The following IGF1R variants were observed in gnomAD, a reference collection of about 807,000 sequenced individuals.
IGF1R encodes insulin like growth factor 1 receptor.
Under a neutral mutation model 144.6 loss-of-function variants are expected in IGF1R, and 44 were observed. That is an observed-to-expected ratio of 0.30 (90% CI 0.24 to 0.39). The LOEUF is 0.39. Ranked by LOEUF, IGF1R falls within the 10% of genes least tolerant of loss-of-function variation. IGF1R has a pLI of 1.00. For missense variants in IGF1R, 1,355 were observed against 1,833.7 expected (o/e 0.74, Z 4.77); for synonymous variants, 795 against 722.8 (o/e 1.10, Z -1.60).
intron 1 of IGF1R, among the ~76,000 whole-genome samples, chr15:98,665,198 A>G (rs1031402179): frequency 9.9e-5 from 15 of 152,012 alleles, no homozygotes; most frequent in South Asian, 4.1e-4. Flanking sequence ...TGATCCGCCC[A>G]CCTCGGCCTC....
chr15:98,852,345 C>T (rs961606817), intron 2 of IGF1R, among the ~76,000 whole-genome samples: 2 of 152,054 alleles, frequency 1.3e-5, no homozygotes, highest in Non-Finnish European at 2.9e-5. Context: ...AGCGGGCACC[C>T]CGCGCCCGCG....
In IGF1R at chr15:98,891,115, C is replaced by A. The variant is rs1182996466; in HGVS notation, c.641-210C>A. Among the ~76,000 whole-genome samples, 3 of 152,186 alleles carry A rather than the reference C, an allele frequency of 2.0e-5. No homozygotes were observed. Among genetic ancestry groups the A allele is most frequent in the Non-Finnish European group, 4.4e-5 (3 of 68,038 alleles). ...CAAGGAGTTCCTAGGAGAGACTGAACTTTAAAGATATCGACTCTCTGCAGG... is the reference window on the plus strand; with the variant it reads ...CAAGGAGTTCCTAGGAGAGACTGAAATTTAAAGATATCGACTCTCTGCAGG... On this transcript the variant is annotated intron_variant, in intron 2 of 20. Coordinates refer to ENST00000650285, the MANE Select transcript of IGF1R (RefSeq NM_000875.5). The surrounding 1 kb of genome is among the most constrained non-coding windows in gnomAD (Gnocchi z 4.7).
chr15:98,954,704 T>G (rs2016911140), intron 20 of IGF1R, among the ~76,000 whole-genome samples: 2 of 152,340 alleles, frequency 1.3e-5, no homozygotes, highest in African/African-American at 4.8e-5. Context: ...CCAGTTACGC[T>G]TCTGCCCAGG....
intron 2 of IGF1R, among the ~76,000 whole-genome samples, chr15:98,729,682 G>T (rs1189415032): frequency 6.6e-6 from 1 of 151,892 alleles, no homozygotes; most frequent in Non-Finnish European, 1.5e-5. Flanking sequence ...GGGCCTCCCT[G>T]CCCTTCCCAG....
In IGF1R at chr15:98,776,581, C is replaced by G. The variant is rs74032599; in HGVS notation, c.640+68474C>G. ...CAGCATTATTTTTAAGAGCCTCTTC[C>G]CTCCTTCCCCCTACCTCCCTGTTGA... On this transcript the variant is annotated intron_variant, in intron 2 of 20. Coordinates refer to ENST00000650285, the MANE Select transcript of IGF1R (RefSeq NM_000875.5). Among the ~76,000 whole-genome samples the G allele has an allele frequency of 3.6e-3, 551 of 152,228 alleles. 3 individuals are homozygous for G. Among genetic ancestry groups the G allele is most frequent in the African/African-American group, 0.013 (520 of 41,518 alleles).
intron 2 of IGF1R, among the ~76,000 whole-genome samples, chr15:98,728,293 G>C (rs1028615452): frequency 5.3e-5 from 8 of 152,110 alleles, no homozygotes; most frequent in Admixed American, 2.0e-4. Context: ...TCTGTGAAAG[G>C]CTGGCCGGGC....
At chr15:98,837,647 C>T (rs1185835666) in intron 2 of IGF1R, among the ~76,000 whole-genome samples, 1 of 152,224 alleles carries the variant, frequency 6.6e-6, no homozygotes, top group African/African-American at 2.4e-5. Flanking sequence ...TTTCTCATCA[C>T]ATTGTCACTC....
chr15:98,655,701 C>G (rs1226804644), intron 1 of IGF1R, among the ~76,000 whole-genome samples: 4 of 150,426 alleles, frequency 2.7e-5, no homozygotes, highest in South Asian at 4.2e-4. Context: ...TTTCTTTTTC[C>G]TGCCCTGGAC....
chr15:98,917,862 A>G (rs532629260), intron 10 of IGF1R, among the ~76,000 whole-genome samples: 57 of 152,336 alleles, frequency 3.7e-4, no homozygotes, highest in African/African-American at 1.3e-3. Flanking sequence ...GAATTATTCC[A>G]TAATCGATAG....
intron 2 of IGF1R, among the ~76,000 whole-genome samples, chr15:98,770,240 G>A (rs552426725): frequency 1.3e-5 from 2 of 152,248 alleles, no homozygotes; most frequent in South Asian, 4.1e-4. Context: ...GTTAGAGGAA[G>A]GCAAAAACAG....
intron 1 of IGF1R, among the ~76,000 whole-genome samples, chr15:98,686,802 A>T (rs964704917): frequency 1.3e-5 from 2 of 151,884 alleles, no homozygotes; most frequent in Non-Finnish European, 2.9e-5. Context: ...TCCTCAATAG[A>T]TGGGACTATG....
intron 2 of IGF1R, among the ~76,000 whole-genome samples, chr15:98,798,858 A>G (rs2056303613): frequency 6.6e-6 from 1 of 152,146 alleles, no homozygotes; most frequent in African/African-American, 2.4e-5. Flanking sequence ...ACAGCAACGA[A>G]TATTTATTGA....
At chr15:98,711,325 C>A (rs8032477) in intron 2 of IGF1R, among the ~76,000 whole-genome samples, 1 of 151,954 alleles carries the variant, frequency 6.6e-6, no homozygotes, top group African/African-American at 2.4e-5. Context: ...TGGAGAAACA[C>A]GTCAAGGGTG....
intron 1 of IGF1R, among the ~76,000 whole-genome samples, chr15:98,699,852 C>T (rs45460098): frequency 6.6e-5 from 10 of 152,228 alleles, no homozygotes; most frequent in Admixed American, 2.0e-4. Flanking sequence ...AAATTACACT[C>T]GGTTTCTAAT....
intron 2 of IGF1R, among the ~76,000 whole-genome samples, chr15:98,843,433 G>T (rs768886864): frequency 2.0e-5 from 3 of 152,096 alleles, no homozygotes; most frequent in Non-Finnish European, 4.4e-5. Context: ...CCTTCTGGTC[G>T]TGTTTCTACT....
chr15:98,856,083 T>C (rs2011799679), intron 2 of IGF1R, among the ~76,000 whole-genome samples: 1 of 152,192 alleles, frequency 6.6e-6, no homozygotes, highest in South Asian at 2.1e-4. Flanking sequence ...CCTGCTTCTG[T>C]AGAAGGGGCC....
In IGF1R at chr15:98,649,501, C is replaced by T. The variant is rs1293299185; in HGVS notation, c.-81C>T. On this transcript the variant is annotated 5_prime_UTR_variant, in exon 1 of 21. Coordinates refer to ENST00000650285, the MANE Select transcript of IGF1R (RefSeq NM_000875.5). Reference sequence around the variant, plus strand: ...ACTGAGTTTGAGACTTGTTTCCTTTCATTTCCTTTTTTTCTTTTCTTTTCT... The same window carrying T: ...ACTGAGTTTGAGACTTGTTTCCTTTTATTTCCTTTTTTTCTTTTCTTTTCT... 5 of 989,168 alleles carry T rather than the reference C, an allele frequency of 5.1e-6. No homozygotes were observed. Among genetic ancestry groups the T allele is most frequent in the East Asian group, 2.6e-5 (1 of 39,032 alleles). The allele number at this position is 989,168 out of a possible 1,614,324, so 61.3% of individuals were successfully genotyped here. A position where few individuals can be genotyped will look rare whatever the true frequency, so the allele number is the denominator to read the frequency against.
intron 2 of IGF1R, among the ~76,000 whole-genome samples, chr15:98,780,364 A>G (rs1375009669): frequency 2.0e-5 from 3 of 151,584 alleles, no homozygotes; most frequent in Admixed American, 2.0e-4. Flanking sequence ...CAGCCTGACA[A>G]ACATGGAGAA....
rs74032509 is a variant in IGF1R at position 98,674,482 on chromosome 15, G to A, written c.94+24807G>A. On this transcript the variant is annotated intron_variant, in intron 1 of 20. Coordinates refer to ENST00000650285, the MANE Select transcript of IGF1R (RefSeq NM_000875.5). Reference sequence around the variant, plus strand: ...CTCCTTTATATGAGGTCTACAGAGCGCGTTCAGAGGGCTCTTATCATTGAT... The same window carrying A: ...CTCCTTTATATGAGGTCTACAGAGCACGTTCAGAGGGCTCTTATCATTGAT... Among the ~76,000 whole-genome samples, 1,138 of 152,176 alleles carry A rather than the reference G, an allele frequency of 7.5e-3. 14 individuals are homozygous for A. Among genetic ancestry groups the A allele is most frequent in the African/African-American group, 0.025 (1,045 of 41,522 alleles).
Sources: allele counts gnomAD v4.1 joint callset (sites outside exome capture counted in the v4.1 genomes callset), GRCh38; gene constraint gnomAD v4.1.1; non-coding constraint Gnocchi (gnomAD v3.1); transcripts MANE v1.5; gene names NCBI Gene and HGNC (gene_info 2026-07-23, HGNC 2026-07-21).